Variants in NEK10 observed in about 807,000 individuals in gnomAD.
NEK10 encodes the protein NIMA related kinase 10, also known as serine/threonine-protein kinase Nek10.
NEK10 carries 122 observed loss-of-function variants against 159.8 expected under a neutral mutation model. The ratio of observed to expected loss-of-function variants is 0.76; its 90% CI spans 0.66 to 0.89. NEK10 has a LOEUF of 0.89. Among genes scored for constraint, NEK10 ranks in the 40% least tolerant of loss-of-function variants. The pLI is 0.00. For missense variants in NEK10, 1,342 were observed against 1,323.1 expected (o/e 1.01, Z -0.22); for synonymous variants, 466 against 457.1 (o/e 1.02, Z -0.25).
intron 5 of NEK10, among the ~76,000 whole-genome samples, chr3:27,334,004 C>A (rs1357190514): frequency 6.6e-6 from 1 of 152,244 alleles, no homozygotes; most frequent in African/African-American, 2.4e-5. Flanking sequence ...TTCCTGCCTA[C>A]CATGGCCAAC....
At chr3:27,136,280 T>G (rs1161298939) in intron 31 of NEK10, among the ~76,000 whole-genome samples, 1 of 151,664 alleles carries the variant, frequency 6.6e-6, no homozygotes. Flanking sequence ...GCCCGGCTAA[T>G]TTTTTCTATT....
At chr3:27,368,082 C>G (rs890326064) in intron 1 of NEK10, among the ~76,000 whole-genome samples, 2 of 152,082 alleles carry the variant, frequency 1.3e-5, no homozygotes, top group African/African-American at 4.8e-5. Context: ...CACCTGAGAT[C>G]AGGAGTTCGA....
At chr3:27,256,876 T>C (rs1386494715) in intron 22 of NEK10, among the ~76,000 whole-genome samples, 1 of 151,936 alleles carries the variant, frequency 6.6e-6, no homozygotes, top group Non-Finnish European at 1.5e-5. Flanking sequence ...ATCTTGTACT[T>C]TTCAAAATAT....
At chr3:27,161,083 A>G (rs1320643214) in intron 30 of NEK10, among the ~76,000 whole-genome samples, 2 of 152,208 alleles carry the variant, frequency 1.3e-5, no homozygotes, top group East Asian at 3.8e-4. Context: ...AGTGCCACCG[A>G]CATAAAATCA....
chr3:27,293,152 C>A (rs2043120152), intron 16 of NEK10, among the ~76,000 whole-genome samples: 1 of 152,114 alleles, frequency 6.6e-6, no homozygotes, highest in South Asian at 2.1e-4. Context: ...CCTACACCAT[C>A]AAAGACACAC....
At chr3:27,228,618 C>T (rs574511314) in intron 23 of NEK10, among the ~76,000 whole-genome samples, 1 of 152,118 alleles carries the variant, frequency 6.6e-6, no homozygotes, top group Non-Finnish European at 1.5e-5. Context: ...CAGGTTGTTT[C>T]AGATGAGAAA....
intron 23 of NEK10, among the ~76,000 whole-genome samples, chr3:27,220,288 G>A (rs1245132963): frequency 6.6e-6 from 1 of 152,170 alleles, no homozygotes; most frequent in Non-Finnish European, 1.5e-5. Flanking sequence ...TGAAGGTTCT[G>A]GGAGAGAATC....
At chr3:27,132,523 A>T (rs971893687) in intron 31 of NEK10, among the ~76,000 whole-genome samples, 6 of 152,212 alleles carry the variant, frequency 3.9e-5, no homozygotes, top group Non-Finnish European at 8.8e-5. Context: ...TCCAGAAGAA[A>T]GAGAGGATAG....
At chr3:27,331,057 G>A (rs1447252329) in intron 5 of NEK10, among the ~76,000 whole-genome samples, 5 of 151,764 alleles carry the variant, frequency 3.3e-5, no homozygotes, top group Non-Finnish European at 5.9e-5. Context: ...CCAACATGGC[G>A]AAACCCTGTC....
At chr3:27,339,205 C>T (rs2047027483) in intron 5 of NEK10, among the ~76,000 whole-genome samples, 1 of 152,080 alleles carries the variant, frequency 6.6e-6, no homozygotes, top group Non-Finnish European at 1.5e-5. Flanking sequence ...TCTCATTTGT[C>T]CATTTTGACT....
At chr3:27,119,635 T>A in intron 33 of NEK10, 125 bp downstream of exon 33, 1 of 664,484 alleles carries the variant, frequency 1.5e-6, no homozygotes, top group South Asian at 2.3e-5. Flanking sequence ...TTCCAACTAT[T>A]GCTATAAATA....
intron 25 of NEK10, among the ~76,000 whole-genome samples, chr3:27,200,443 TACCC>T: frequency 1.3e-5 from 2 of 152,236 alleles, no homozygotes; most frequent in South Asian, 4.1e-4. Context: ...TCAACTTAAG[TACCC>T]AACTTAAGTA....
intron 23 of NEK10, among the ~76,000 whole-genome samples, chr3:27,212,097 T>C (rs571119004): frequency 2.6e-5 from 4 of 152,216 alleles, no homozygotes; most frequent in Admixed American, 6.5e-5. Context: ...ATTACATTTG[T>C]TTTTCAGTGT....
intron 1 of NEK10, among the ~76,000 whole-genome samples, chr3:27,355,983 AG>A (rs2048300279): frequency 6.6e-6 from 1 of 152,220 alleles, no homozygotes; most frequent in Admixed American, 6.5e-5. Context: ...AGGACCTTTG[AG>A]AGATAATTGA....
intron 22 of NEK10, among the ~76,000 whole-genome samples, chr3:27,273,967 A>G (rs1317550289): frequency 6.6e-6 from 1 of 152,174 alleles, no homozygotes; most frequent in Admixed American, 6.5e-5. Context: ...TTCAGATTCT[A>G]ATCTCTGCCC....
chr3:27,211,123 C>T (rs1468042942), intron 23 of NEK10, among the ~76,000 whole-genome samples: 1 of 152,126 alleles, frequency 6.6e-6, no homozygotes, highest in Non-Finnish European at 1.5e-5. Flanking sequence ...AATGATGAGT[C>T]AAATCAGACT....
intron 22 of NEK10, among the ~76,000 whole-genome samples, chr3:27,270,954 A>G (rs536532730): frequency 2.6e-5 from 4 of 152,236 alleles, no homozygotes; most frequent in South Asian, 4.1e-4. Context: ...ATCTGAAATT[A>G]CTTTATGTAT....
chr3:27,210,715 C>G (rs571038209), intron 23 of NEK10, among the ~76,000 whole-genome samples: 53 of 152,296 alleles, frequency 3.5e-4, no homozygotes, highest in African/African-American at 1.3e-3. Context: ...CTATACCTTT[C>G]TCCTATCAAT....
intron 30 of NEK10, among the ~76,000 whole-genome samples, chr3:27,146,047 C>T (rs1032866123): frequency 6.6e-6 from 1 of 152,166 alleles, no homozygotes; most frequent in South Asian, 2.1e-4. Flanking sequence ...AGGACTGCTA[C>T]TTTTAACACG....
Sources: allele counts gnomAD v4.1 joint callset (sites outside exome capture counted in the v4.1 genomes callset), GRCh38; gene constraint gnomAD v4.1.1; transcripts MANE v1.5; gene names NCBI Gene and HGNC (gene_info 2026-07-23, HGNC 2026-07-21).